C14orf39: variants seen among roughly 807,000 people sequenced by gnomAD.
C14orf39 encodes protein SIX6OS1.
A neutral mutation model predicts 85.6 loss-of-function variants in C14orf39; 66 were observed. The ratio of observed to expected loss-of-function variants is 0.77; its 90% confidence interval spans 0.63 to 0.95. C14orf39 has a LOEUF of 0.95. Among genes scored for constraint, C14orf39 ranks in the 40% least tolerant of loss-of-function variants. The probability of loss-of-function intolerance (pLI) is 0.00; values close to 1 mark genes in which losing one functional copy is unlikely to be tolerated. For synonymous variants in C14orf39, 242 were observed against 214.0 expected, an observed-to-expected ratio of 1.13 and a Z score of -1.14; for missense variants, 735 against 663.9, an observed-to-expected ratio of 1.11 and a Z score of -1.18.
At chr14:60,442,175 G>T (rs1724082768) in intron 16 of C14orf39, 44 bp from the exon 17 acceptor site, 1 of 1,284,730 alleles carries the variant, frequency 7.8e-7, no homozygotes, top group Non-Finnish European at 1.1e-6. Context: ...AAATCAGTAG[G>T]ACAGTATATA....
intron 10 of C14orf39, 28 bp from the exon 11 acceptor site, chr14:60,466,083 A>G (rs1595466186): frequency 8.8e-7 from 1 of 1,139,442 alleles, no homozygotes; most frequent in Non-Finnish European, 1.2e-6. Flanking sequence ...ACTACTTTAA[A>G]TCAATGCTGG....
At chr14:60,475,537 T>G (rs1185446687) in intron 5 of C14orf39, among the ~76,000 whole-genome samples, 7 of 152,182 alleles carry the variant, frequency 4.6e-5, no homozygotes, top group African/African-American at 1.7e-4. Context: ...CATAACACAT[T>G]AAAATTATAT....
chr14:60,510,867 G>T (rs948763202), intron 1 of C14orf39, among the ~76,000 whole-genome samples: 1 of 152,238 alleles, frequency 6.6e-6, no homozygotes, highest in Non-Finnish European at 1.5e-5. Context: ...GAGAAAGGGC[G>T]CGAATCATGG....
At chr14:60,509,328 C>G in intron 1 of C14orf39, 1 of 1,348,014 alleles carries the variant, frequency 7.4e-7, no homozygotes, top group Non-Finnish European at 1.0e-6. Context: ...GCACACTCAG[C>G]CAGGCCCGCG....
At chr14:60,473,590 G>C (rs1253836421) in intron 5 of C14orf39, among the ~76,000 whole-genome samples, 1 of 152,174 alleles carries the variant, frequency 6.6e-6, no homozygotes, top group Non-Finnish European at 1.5e-5. Flanking sequence ...TAAGGCGTAA[G>C]GAAGGGATCC....
At position 60,491,802 on chromosome 14, in the gene C14orf39, T is replaced by TTC. The variant is rs936420561; in HGVS notation, c.-8-6718_-8-6717dup. Among the ~76,000 whole-genome samples, 1 of 151,954 alleles carries TTC rather than the reference T, an allele frequency of 6.6e-6. No individual in the cohort carries two copies. The highest frequency in any genetic ancestry group is 1.5e-5 in the Non-Finnish European group (1 of 68,016). On this transcript the variant is annotated intron_variant, in intron 2 of 5. Coordinates refer to the C14orf39 transcript ENST00000556799. The surrounding 1 kb of genome is among the most constrained non-coding windows in gnomAD (Gnocchi z 4.5). ...ACAGAGCAATTCTTAAATGTAAATA[T>TTC]TCTCTCTCTCTTTTTCTCTCTCTCT...
Position 60,491,171 on chromosome 14 carries a change from A to G in C14orf39, c.-8-6085T>C, listed in dbSNP as rs1892983216. Among the ~76,000 whole-genome samples, 1 of 152,176 alleles carries G rather than the reference A, an allele frequency of 6.6e-6. No homozygotes were observed. The highest frequency in any genetic ancestry group is 1.5e-5 in the Non-Finnish European group (1 of 68,032). On this transcript the variant is annotated intron_variant, in intron 2 of 5. Coordinates refer to the C14orf39 transcript ENST00000556799. The surrounding 1 kb of genome is among the most constrained non-coding windows in gnomAD (Gnocchi z 4.5). ...AACACCACTACCTAGATAATTCATA[A>G]ATAATAGAAATTTATTTCTCACAGT...
rs192186448 is a variant in C14orf39 at position 60,448,891 on chromosome 14, A to G, written c.1503+6110T>C. 1.2e-4 allele frequency among the ~76,000 whole-genome samples: 19 copies of G among 152,358 alleles called. 1 individual carries two copies. The East Asian group carries it at 1.9e-3, about 15-fold the overall frequency. On this transcript the variant is annotated intron_variant, in intron 16 of 17. Transcript: ENST00000321731. ...ACGAGTTCATGTTCTTTGCAGGGACATGGATGCAGCTGGAAACCATCATTC... is the reference window on the plus strand; with the variant it reads ...ACGAGTTCATGTTCTTTGCAGGGACGTGGATGCAGCTGGAAACCATCATTC...
intron 16 of C14orf39, among the ~76,000 whole-genome samples, chr14:60,447,394 T>C (rs1890820330): frequency 6.6e-6 from 1 of 152,162 alleles, no homozygotes; most frequent in Non-Finnish European, 1.5e-5. Flanking sequence ...AGCATTCCTA[T>C]ACACCAATAA....
At chr14:60,437,177 A>G in intron 17 of C14orf39, 130 bp from the exon 18 acceptor site, 3 of 620,704 alleles carry the variant, frequency 4.8e-6, no homozygotes, top group Middle Eastern at 9.0e-4. Context: ...GAATACAGGT[A>G]TTTAATTGTA....
At chr14:60,509,060 G>A in intron 1 of C14orf39, 1 of 384,542 alleles carries the variant, frequency 2.6e-6, no homozygotes, top group Non-Finnish European at 4.8e-6. Context: ...TAGTCCTGGC[G>A]TGCTGATTCA....
chr14:60,470,818 T>C (rs983995148), intron 7 of C14orf39, among the ~76,000 whole-genome samples: 3 of 151,920 alleles, frequency 2.0e-5, no homozygotes, highest in African/African-American at 7.2e-5. Context: ...TAGGAAAGCA[T>C]ATGAAGGATT....
At chr14:60,471,387 A>C in intron 7 of C14orf39, 30 bp downstream of exon 7, 1 of 1,485,588 alleles carries the variant, frequency 6.7e-7, no homozygotes, top group Non-Finnish European at 9.1e-7. Flanking sequence ...ATCTAATAAA[A>C]ATTATAAGTA....
At chr14:60,486,440 A>G (rs1392234243), upstream of C14orf39, among the ~76,000 whole-genome samples, 2 of 152,364 alleles carry the variant, frequency 1.3e-5, no homozygotes, top group South Asian at 4.1e-4. Flanking sequence ...TCAAAATTCA[A>G]TTCTGAATTC....
Position 60,466,919 on chromosome 14 carries a change from G to A in C14orf39, c.893C>T (p.Ala298Val), listed in dbSNP as rs1189136222. 5.4e-6 allele frequency: 8 copies of A among 1,479,640 alleles called. No homozygotes were observed. The South Asian group carries it at 5.9e-5, about 11-fold the overall frequency. The allele number at this position is 1,479,640 out of a possible 1,614,324, so 91.7% of individuals were successfully genotyped here. Residue 298 changes from alanine (A) to valine (V), a missense_variant and splice_region_variant, in exon 10 of 18, where the codon GCA (alanine) becomes GTA (valine). Physicochemically the swap from Ala to Val is moderately conservative, Grantham distance 64. Coordinates refer to ENST00000321731, the MANE Select transcript of C14orf39 (RefSeq NM_174978.3). ...TGAATAACAAACAGATATTATACCT[G>A]CAACTCTTGGTTCTGAAGAATGCAT... Reference protein sequence around the residue: ...IKMHSSEPRVADIKEESSAKQ... With the variant: ...IKMHSSEPRVVDIKEESSAKQ...
intron 16 of C14orf39, among the ~76,000 whole-genome samples, chr14:60,453,384 TA>T (rs59413732): frequency 0.17 from 25,576 of 151,814 alleles, 3,478 homozygotes; most frequent in African/African-American, 0.37. Context: ...TTCTAATGCT[TA>T]GTTTTCATGA....
At chr14:60,466,126 C>A in intron 10 of C14orf39, 71 bp from the exon 11 acceptor site, 1 of 601,578 alleles carries the variant, frequency 1.7e-6, no homozygotes, top group South Asian at 3.7e-5. Context: ...CAATGTTTAA[C>A]CTAAACTTGT....
intron 1 of C14orf39, among the ~76,000 whole-genome samples, chr14:60,504,789 T>C (rs1595496848): frequency 6.6e-6 from 1 of 152,232 alleles, no homozygotes; most frequent in Non-Finnish European, 1.5e-5. Context: ...AGTGTATAAT[T>C]TGTCATCTAC....
At chr14:60,508,472 G>C (rs1174447485) in intron 1 of C14orf39, among the ~76,000 whole-genome samples, 1 of 152,156 alleles carries the variant, frequency 6.6e-6, no homozygotes, top group Non-Finnish European at 1.5e-5. Context: ...CTGCATCTGC[G>C]TTATCAGACG....
Sources: allele counts gnomAD v4.1 joint callset (sites outside exome capture counted in the v4.1 genomes callset), GRCh38; gene constraint gnomAD v4.1.1; non-coding constraint Gnocchi (gnomAD v3.1); transcripts MANE v1.5; gene names NCBI Gene and HGNC (gene_info 2026-07-23, HGNC 2026-07-21).